The following SLC25A33 variants were observed in gnomAD, a reference collection of about 807,000 sequenced individuals.
The protein encoded by SLC25A33 is solute carrier family 25 member 33.
Under a neutral mutation model 35.5 loss-of-function variants are expected in SLC25A33, and 15 were observed. That is an observed-to-expected ratio of 0.42 (90% confidence interval 0.28 to 0.65). SLC25A33 has a LOEUF of 0.65. Among genes scored for constraint, SLC25A33 ranks in the 30% least tolerant of loss-of-function variants. The pLI, the probability that SLC25A33 is intolerant of heterozygous loss-of-function variation, is 0.20. For synonymous variants in SLC25A33, 136 were observed against 148.7 expected, an observed-to-expected ratio of 0.91 and a Z score of 0.62; for missense variants, 257 against 398.5, an observed-to-expected ratio of 0.64 and a Z score of 3.02.
intron 2 of SLC25A33, among the ~76,000 whole-genome samples, chr1:9,563,653 A>G (rs1264600403): frequency 2.0e-5 from 3 of 152,228 alleles, no homozygotes; most frequent in African/African-American, 7.2e-5. Context: ...CCATAAAGTG[A>G]AAGACCTTTT....
At chr1:9,566,336 G>A (rs1365413698) in intron 2 of SLC25A33, among the ~76,000 whole-genome samples, 1 of 152,112 alleles carries the variant, frequency 6.6e-6, no homozygotes, top group Non-Finnish European at 1.5e-5. Context: ...CACTGAGCTG[G>A]CTCTATTCTT....
chr1:9,564,027 A>G (rs1207402773), intron 2 of SLC25A33, among the ~76,000 whole-genome samples: 1 of 152,182 alleles, frequency 6.6e-6, no homozygotes, highest in Non-Finnish European at 1.5e-5. Context: ...TATCAAATGG[A>G]TGGTACTACT....
intron 5 of SLC25A33, among the ~76,000 whole-genome samples, chr1:9,579,075 GGAGGTCAGCT>G (rs1330289432): frequency 6.6e-6 from 1 of 152,214 alleles, no homozygotes; most frequent in Non-Finnish European, 1.5e-5. Context: ...ACAGTGGGCT[GGAGGTCAGCT>G]GACAACAGTA....
chr1:9,568,505 A>G (rs901405318), intron 3 of SLC25A33, among the ~76,000 whole-genome samples: 1 of 152,124 alleles, frequency 6.6e-6, no homozygotes, highest in Non-Finnish European at 1.5e-5. Context: ...TGAGAAGGGA[A>G]CTGGGTGGCA....
Position 9,585,120 on chromosome 1 carries a change from TA to T in SLC25A33, c.*2623del, listed in dbSNP as rs555179974. The T allele has an allele frequency of 1.6e-4, 25 of 152,342 alleles. No individual in the cohort carries two copies. The East Asian group carries it at 4.6e-3, about 28-fold the overall frequency. 9.4% of individuals were successfully genotyped at this position (152,342 alleles called of 1,614,324 possible). A position where few individuals can be genotyped will look rare whatever the true frequency, so the allele number is the denominator to read the frequency against. ...CAAGATTGTGTCTAATATGAAGGTGTAAAATTGCTTTGTTTTCACTCCTTCT... is the reference window on the plus strand; with the variant it reads ...CAAGATTGTGTCTAATATGAAGGTGTAAATTGCTTTGTTTTCACTCCTTCT... On this transcript the variant is annotated 3_prime_UTR_variant, in exon 7 of 7. Transcript: ENST00000302692.
chr1:9,569,516 C>T (rs1643559723), intron 3 of SLC25A33, among the ~76,000 whole-genome samples: 2 of 152,186 alleles, frequency 1.3e-5, no homozygotes, highest in South Asian at 4.1e-4. Context: ...CTGACTGCCT[C>T]ACCCATTAGG....
chr1:9,560,690 C>CTATTCTGTTAAAGAAAAG (rs1197992400), intron 2 of SLC25A33, among the ~76,000 whole-genome samples: 1 of 151,478 alleles, frequency 6.6e-6, no homozygotes, highest in African/African-American at 2.4e-5. Flanking sequence ...AAAATATTCT[C>CTATTCTGTTAAAGAAAAG]TATTCTGTTA....
At chr1:9,556,701 CTG>C (rs929871520) in intron 2 of SLC25A33, among the ~76,000 whole-genome samples, 2 of 150,706 alleles carry the variant, frequency 1.3e-5, no homozygotes, top group Admixed American at 6.6e-5. Context: ...GTGTGTGTGT[CTG>C]TGTGTGTGTC....
intron 5 of SLC25A33, chr1:9,576,945 AT>A (rs919724582): frequency 7.8e-7 from 1 of 1,286,944 alleles, no homozygotes; most frequent in African/African-American, 1.5e-5. Context: ...GATGGTATCT[AT>A]GTCTCTGAAA....
At chr1:9,576,950 T>C (rs937662145) in intron 5 of SLC25A33, 8 of 1,278,676 alleles carry the variant, frequency 6.3e-6, no homozygotes, top group Non-Finnish European at 9.0e-6. Flanking sequence ...TATCTATGTC[T>C]CTGAAAAAGG....
At chr1:9,567,129 C>T (rs1481487020) in intron 2 of SLC25A33, among the ~76,000 whole-genome samples, 155 bp from the exon 3 acceptor site, 1 of 152,180 alleles carries the variant, frequency 6.6e-6, no homozygotes, top group African/African-American at 2.4e-5. Context: ...TACAGCCTTC[C>T]GATTCTGTAT....
In SLC25A33 at chr1:9,570,247, T is replaced by C. The variant is rs769943571; in HGVS notation, c.315-11T>C. 2 of 1,609,438 alleles carry C rather than the reference T, an allele frequency of 1.2e-6. No homozygotes were observed. The highest frequency in any genetic ancestry group is 1.8e-4 in the Middle Eastern group (1 of 5,566). On this transcript the variant is annotated splice_polypyrimidine_tract_variant and intron_variant, in intron 3 of 6. Transcript: ENST00000302692. ...GATGATTTCTTTATAATGTTCTCTT[T>C]GTTCTAACAGGGCTGTATACTTTGC... is the stretch of plus-strand genomic sequence containing the variant.
chr1:9,573,495 A>C, intron 5 of SLC25A33, 83 bp downstream of exon 5: 1 of 1,142,718 alleles, frequency 8.8e-7, no homozygotes, highest in Non-Finnish European at 1.3e-6. Flanking sequence ...ATCTCTAAGG[A>C]TGAGATATAG....
In SLC25A33 at chr1:9,582,364, C is replaced by G; in HGVS notation, c.829C>G (p.Leu277Val). ...KYKSFVQTARLVFREEGYLAF... is the reference protein window; with the variant it reads ...KYKSFVQTARVVFREEGYLAF... ...CAAGTCTTTTGTCCAGACGGCGCGC[C>G]TGGTGTTCCGGGAAGAAGGCTACCT... Residue 277 changes from leucine to valine, a missense_variant, in exon 7 of 7, where the codon CTG (leucine) becomes GTG (valine). By Grantham distance (32) the Leu-to-Val change is conservative. Transcript: ENST00000302692. The surrounding 1 kb of genome is among the most constrained non-coding windows in gnomAD (Gnocchi z 4.0). 1 of 1,613,946 alleles carries G rather than the reference C, an allele frequency of 6.2e-7. No individual in the cohort carries two copies. Among genetic ancestry groups the G allele is most frequent in the Non-Finnish European group, 8.5e-7 (1 of 1,179,866 alleles).
chr1:9,563,374 G>C (rs916152550), intron 2 of SLC25A33, among the ~76,000 whole-genome samples: 1 of 152,130 alleles, frequency 6.6e-6, no homozygotes, highest in African/African-American at 2.4e-5. Flanking sequence ...AAAATTAGGA[G>C]AAGAGAAGCT....
intron 5 of SLC25A33, among the ~76,000 whole-genome samples, chr1:9,577,334 G>A (rs1643674941): frequency 6.6e-6 from 1 of 152,126 alleles, no homozygotes; most frequent in Admixed American, 6.5e-5. Flanking sequence ...GGGAGGCTGA[G>A]GCAGGAGAAT....
intron 2 of SLC25A33, among the ~76,000 whole-genome samples, chr1:9,563,163 A>G (rs112878061): frequency 0.035 from 5,329 of 152,080 alleles, 300 homozygotes; most frequent in African/African-American, 0.12. Context: ...TGACCTCGTG[A>G]TCCGCCCGCC....
chr1:9,555,321 T>C (rs1258020287), intron 2 of SLC25A33, among the ~76,000 whole-genome samples: 2 of 151,950 alleles, frequency 1.3e-5, no homozygotes, highest in Non-Finnish European at 2.9e-5. Flanking sequence ...GGTTTCACCA[T>C]GTTAGCCAGG....
rs772983921 is a variant in SLC25A33 at position 9,584,323 on chromosome 1, G to A, written c.*1822G>A. The A allele has an allele frequency of 2.4e-4, 36 of 152,178 alleles. No homozygotes were observed. The highest frequency in any genetic ancestry group is 7.2e-4 in the African/African-American group (30 of 41,442). 9.4% of individuals were successfully genotyped at this position (152,178 alleles called of 1,614,324 possible). A position where few individuals can be genotyped will look rare whatever the true frequency, so the allele number is the denominator to read the frequency against. On this transcript the variant is annotated 3_prime_UTR_variant, in exon 7 of 7. Coordinates refer to ENST00000302692, the MANE Select transcript of SLC25A33 (RefSeq NM_032315.3). ...CTAGTGTAATTGCTCCAACAACTAC[G>A]TAGAAGTCAAAATGAGTGACTTTAG...
Sources: gnomAD v4.1 joint callset for allele counts (sites outside exome capture counted in the v4.1 genomes callset) on GRCh38, gnomAD v4.1.1 for gene constraint, Gnocchi (gnomAD v3.1) non-coding constraint, MANE v1.5 for transcripts, NCBI Gene and HGNC (gene_info 2026-07-23, HGNC 2026-07-21) for gene names.